Variants in SNX29 observed in about 807,000 individuals in gnomAD.
SNX29 encodes sorting nexin-29.
A neutral mutation model predicts 102.1 loss-of-function variants in SNX29; 78 were observed. The observed-to-expected ratio is 0.76, with a 90% confidence interval of 0.64 to 0.92. The LOEUF is 0.92. Ranked by LOEUF, SNX29 falls within the 40% of genes least tolerant of loss-of-function variation. The pLI is 0.00. For synonymous variants in SNX29, 580 were observed against 414.5 expected (o/e 1.40, Z -4.85); for missense variants, 1,280 against 1,061.7 (o/e 1.21, Z -2.86).
rs572583444 is a variant in SNX29 at position 12,524,636 on chromosome 16, C to T, written c.2179-66C>T. The T allele has an allele frequency of 3.2e-6, 5 of 1,562,002 alleles. No individual in the cohort carries two copies. In the South Asian group the frequency reaches 4.8e-5, roughly 15 times the overall value. The stretch of plus-strand genomic sequence containing the variant: ...TGGCGCTGATGGGTGATCGCCTGTT[C>T]TATAGGGTCATTTCTGACCAGGTGA... On this transcript the variant is annotated intron_variant, in intron 19 of 20. Coordinates refer to ENST00000566228, the MANE Select transcript of SNX29 (RefSeq NM_032167.5).
At chr16:12,236,494 C>T (rs80102196) in intron 14 of SNX29, among the ~76,000 whole-genome samples, 1,874 of 152,300 alleles carry the variant, frequency 0.012, 15 homozygotes, top group Non-Finnish European at 0.02. Context: ...AGCCCTTTTC[C>T]CACTACGTCT....
At chr16:12,551,090 T>G (rs1389230834) in intron 20 of SNX29, among the ~76,000 whole-genome samples, 4 of 152,120 alleles carry the variant, frequency 2.6e-5, no homozygotes, top group African/African-American at 7.2e-5. Flanking sequence ...GATCCTCTCT[T>G]TGCTTGGATG....
At chr16:12,147,110 T>G (rs1014128389) in intron 13 of SNX29, among the ~76,000 whole-genome samples, 1 of 152,260 alleles carries the variant, frequency 6.6e-6, no homozygotes, top group Admixed American at 6.5e-5. Context: ...AAGGTATATT[T>G]GCATGAACAT....
intron 1 of SNX29, among the ~76,000 whole-genome samples, chr16:11,989,781 G>A (rs2055775562): frequency 6.6e-6 from 1 of 152,232 alleles, no homozygotes; most frequent in South Asian, 2.1e-4. Context: ...CGCTATGGCA[G>A]GACTGCAGGG....
intron 1 of SNX29, among the ~76,000 whole-genome samples, chr16:11,998,989 G>A (rs2056188834): frequency 6.6e-6 from 1 of 152,222 alleles, no homozygotes; most frequent in African/African-American, 2.4e-5. Flanking sequence ...TCAGGGGTTT[G>A]TGTGTGCTAA....
At chr16:12,432,837 G>T (rs917546667) in intron 18 of SNX29, among the ~76,000 whole-genome samples, 2 of 152,220 alleles carry the variant, frequency 1.3e-5, no homozygotes, top group African/African-American at 4.8e-5. Context: ...TTGCAGCCGG[G>T]GAGCAGGGCT....
chr16:12,011,064 G>T (rs1173453091), intron 3 of SNX29, among the ~76,000 whole-genome samples: 2 of 152,014 alleles, frequency 1.3e-5, no homozygotes, highest in Non-Finnish European at 2.9e-5. Context: ...AAATCCTGGG[G>T]TTCATTAATT....
chr16:12,454,914 T>G (rs2086469830), intron 18 of SNX29, among the ~76,000 whole-genome samples: 1 of 151,928 alleles, frequency 6.6e-6, no homozygotes, highest in Non-Finnish European at 1.5e-5. Context: ...CCTGGCTAAT[T>G]ATTTCGTGTT....
chr16:12,305,863 C>T (rs903133041), intron 15 of SNX29, among the ~76,000 whole-genome samples: 3 of 152,172 alleles, frequency 2.0e-5, no homozygotes, highest in African/African-American at 4.8e-5. Context: ...GGAGTACCGA[C>T]GAGCTGTAAC....
At chr16:12,329,772 C>T (rs1163568858) in intron 15 of SNX29, among the ~76,000 whole-genome samples, 2 of 152,198 alleles carry the variant, frequency 1.3e-5, no homozygotes, top group Non-Finnish European at 1.5e-5. Context: ...GCCAAGTGGC[C>T]CTTCTCTTTT....
intron 18 of SNX29, among the ~76,000 whole-genome samples, chr16:12,417,541 T>C (rs995896451): frequency 1.3e-5 from 2 of 152,064 alleles, no homozygotes; most frequent in African/African-American, 4.8e-5. Context: ...CCTCCCCTGG[T>C]CTTTTCCTTT....
chr16:12,400,619 G>A (rs2083901464), intron 17 of SNX29, among the ~76,000 whole-genome samples: 1 of 152,184 alleles, frequency 6.6e-6, no homozygotes, highest in South Asian at 2.1e-4. Flanking sequence ...CCAGACCAAA[G>A]CAGGCCCTGG....
chr16:12,100,564 G>A (rs546079333), intron 11 of SNX29, among the ~76,000 whole-genome samples: 1 of 152,250 alleles, frequency 6.6e-6, no homozygotes, highest in African/African-American at 2.4e-5. Flanking sequence ...TGTCTGCAGA[G>A]GCCTGTCTGA....
chr16:12,146,776 A>G (rs1447574828), intron 13 of SNX29, among the ~76,000 whole-genome samples: 2 of 152,310 alleles, frequency 1.3e-5, no homozygotes, highest in African/African-American at 4.8e-5. Context: ...CAAAGGTGGG[A>G]GAATGGAAAT....
At chr16:12,089,819 C>A in intron 11 of SNX29, 1 of 392,284 alleles carries the variant, frequency 2.5e-6, no homozygotes, top group Non-Finnish European at 5.0e-6. Context: ...GCAGAGCACA[C>A]TCAGCAGTGC....
chr16:12,074,040 T>C (rs1258007151), intron 10 of SNX29, among the ~76,000 whole-genome samples: 1 of 148,440 alleles, frequency 6.7e-6, no homozygotes, highest in Non-Finnish European at 1.5e-5. Context: ...TCCTCCATCC[T>C]TTTATTTTGA....
chr16:12,390,149 GGTGT>G (rs34547147), intron 16 of SNX29, among the ~76,000 whole-genome samples: 11,107 of 145,608 alleles, frequency 0.076, 614 homozygotes, highest in South Asian at 0.17. Flanking sequence ...GCAATTGAGG[GGTGT>G]GTGTGTGTGT....
chr16:12,115,616 A>G (rs923110899), intron 11 of SNX29, among the ~76,000 whole-genome samples: 3 of 152,086 alleles, frequency 2.0e-5, no homozygotes, highest in Non-Finnish European at 2.9e-5. Flanking sequence ...AGAATGTGCC[A>G]TCTCTTCTTG....
At chr16:12,309,656 G>A (rs2080465080) in intron 15 of SNX29, among the ~76,000 whole-genome samples, 1 of 152,200 alleles carries the variant, frequency 6.6e-6, no homozygotes, top group Non-Finnish European at 1.5e-5. Context: ...AGGAATGGGT[G>A]CCCACAGTGA....
Sources: gnomAD v4.1 joint callset for allele counts (sites outside exome capture counted in the v4.1 genomes callset) on GRCh38, gnomAD v4.1.1 for gene constraint, MANE v1.5 for transcripts, NCBI Gene and HGNC (gene_info 2026-07-23, HGNC 2026-07-21) for gene names.